The following HMGCS2 variants were observed in gnomAD, a reference collection of about 807,000 sequenced individuals.
HMGCS2 encodes the protein 3-hydroxy-3-methylglutaryl-CoA synthase 2, also known as hydroxymethylglutaryl-CoA synthase, mitochondrial.
In HMGCS2, 50 loss-of-function variants were observed where a neutral mutation model predicts 57.4. The ratio of observed to expected loss-of-function variants is 0.87; its 90% confidence interval spans 0.69 to 1.10. The LOEUF (loss-of-function observed/expected upper bound fraction) is 1.10. Among genes scored for constraint, HMGCS2 ranks in the 50% least tolerant of loss-of-function variants. HMGCS2 has a pLI of 0.00. For missense variants in HMGCS2, 627 were observed against 636.5 expected, an observed-to-expected ratio of 0.99 and a Z score of 0.16; for synonymous variants, 254 against 245.1, an observed-to-expected ratio of 1.04 and a Z score of -0.34.
intron 8 of HMGCS2, 60 bp downstream of exon 8, chr1:119,752,489 C>A (rs913501407): frequency 1.0e-5 from 16 of 1,586,818 alleles, no homozygotes; most frequent in South Asian, 2.2e-5. Context: ...CCAAAGAAAT[C>A]CCTGGCTCCC....
chr1:119,749,667 T>G (rs9943291), intron 9 of HMGCS2, among the ~76,000 whole-genome samples: 12,572 of 152,196 alleles, frequency 0.083, 710 homozygotes, highest in Admixed American at 0.19. Flanking sequence ...CGGTAAGGAA[T>G]GAACCCAGGG....
intron 2 of HMGCS2, among the ~76,000 whole-genome samples, chr1:119,762,511 C>T (rs1414462525): frequency 3.3e-5 from 5 of 152,014 alleles, no homozygotes; most frequent in African/African-American, 1.2e-4. Context: ...ATACTCTTCT[C>T]TTTCCTCATC....
intron 7 of HMGCS2, 86 bp downstream of exon 7, chr1:119,753,194 G>T: frequency 2.5e-6 from 2 of 808,120 alleles, no homozygotes; most frequent in East Asian, 2.5e-5. Flanking sequence ...CTGTCAAGAT[G>T]GCAGCCTCAG....
At chr1:119,756,426 G>T (rs1652839631) in intron 5 of HMGCS2, among the ~76,000 whole-genome samples, 1 of 151,898 alleles carries the variant, frequency 6.6e-6, no homozygotes, top group Admixed American at 6.6e-5. Context: ...GTTTCGATAG[G>T]GCTGGTCTTA....
rs182407677 is a variant in HMGCS2, at chr1:119,748,835, T to G, written c.*12A>C. The G allele has an allele frequency of 2.2e-3, 331 of 152,388 alleles. 2 individuals are homozygous for G. The highest frequency in any genetic ancestry group is 7.5e-3 in the African/African-American group (313 of 41,582). 9.4% of individuals were successfully genotyped at this position (152,388 alleles called of 1,614,324 possible). ...TTTCCCAGGAAGCTTTCCATGGATC[T>G]GCAGAACTTAAATAAACAAAAAGTC... On this transcript the variant is annotated 3_prime_UTR_variant, in exon 10 of 10. Transcript: ENST00000369406.
At chr1:119,757,131 G>T in intron 5 of HMGCS2, 142 bp downstream of exon 5, 2 of 1,352,748 alleles carry the variant, frequency 1.5e-6, no homozygotes, top group Non-Finnish European at 2.1e-6. Flanking sequence ...CCCCGTGGAA[G>T]GACCTGGGAT....
intron 1 of HMGCS2, among the ~76,000 whole-genome samples, 199 bp downstream of exon 1, chr1:119,768,542 G>A (rs112315124): frequency 2.6e-5 from 4 of 152,248 alleles, no homozygotes; most frequent in African/African-American, 9.6e-5. Context: ...AGAGGTTTGG[G>A]CTCTTCTCAC....
At chr1:119,761,679 C>T (rs587735360) in intron 2 of HMGCS2, among the ~76,000 whole-genome samples, 4 of 152,008 alleles carry the variant, frequency 2.6e-5, no homozygotes, top group South Asian at 2.1e-4. Context: ...ACAGAAGAAT[C>T]GCTTGAACCT....
rs1652875135 is a variant in HMGCS2, at chr1:119,757,384, G to A, written c.905C>T (p.Thr302Ile). Residue 302 changes from threonine (T) to isoleucine (I), a missense_variant, in exon 5 of 10, where the codon ACA (threonine) becomes ATA (isoleucine). By Grantham distance (89) the Thr-to-Ile change is moderately conservative (BLOSUM62 -1). Coordinates refer to ENST00000369406, the MANE Select transcript of HMGCS2 (RefSeq NM_005518.4). Reference protein sequence around the residue: ...LDDLQYMIFHTPFCKMVQKSL... With the variant: ...LDDLQYMIFHIPFCKMVQKSL... Reference sequence around the variant, plus strand: ...CTTCTGGACCATCTTGCAAAAGGGTGTATGAAAGATCATGTACTGTAAATC... The same window carrying A: ...CTTCTGGACCATCTTGCAAAAGGGTATATGAAAGATCATGTACTGTAAATC... The A allele has an allele frequency of 1.9e-6, 3 of 1,614,178 alleles. No individual in the cohort carries two copies. In the South Asian group the frequency reaches 3.3e-5, roughly 18 times the overall value.
Position 119,759,901 on chromosome 1 carries a change from C to G in HMGCS2, c.648G>C (p.Met216Ile). 3 of 1,614,200 alleles carry G rather than the reference C, an allele frequency of 1.9e-6. No homozygotes were observed. Among genetic ancestry groups the G allele is most frequent in the Non-Finnish European group, 2.5e-6 (3 of 1,180,012 alleles). ...RPTGGAGAVA[M>I]LIGPKAPLAL... is the part of the protein sequence containing the mutation. The stretch of plus-strand genomic sequence containing the variant: ...CCAGAGGGGCCTTGGGCCCAATCAG[C>G]ATAGCCACAGCTCCGGCCCCACCTG... The change falls in exon 3 of 10, where the codon ATG becomes ATC. Residue 216 changes from methionine (M) to isoleucine (I), a missense_variant. Physicochemically the swap from Met to Ile is conservative, Grantham distance 10. Transcript: ENST00000369406.
intron 6 of HMGCS2, 79 bp from the exon 7 acceptor site, chr1:119,753,465 T>C: frequency 2.6e-6 from 2 of 760,140 alleles, no homozygotes; most frequent in Admixed American, 4.1e-5. Context: ...ATATATATAT[T>C]ATATTCTGCA....
chr1:119,760,101 A>G, intron 2 of HMGCS2, 112 bp from the exon 3 acceptor site: 1 of 1,000,532 alleles, frequency 1.0e-6, no homozygotes, highest in Middle Eastern at 2.4e-4. Flanking sequence ...GATAAACAAA[A>G]TAAAAAATCC....
rs773945291 is a variant in HMGCS2, at chr1:119,759,178, G to A, written c.790C>T (p.Arg264Trp). The A allele has an allele frequency of 1.1e-4, 181 of 1,613,978 alleles. No homozygotes were observed. Among genetic ancestry groups the A allele is most frequent in the Non-Finnish European group, 1.5e-4 (173 of 1,180,028 alleles). Residue 264 changes from arginine (R) to tryptophan (W), a missense_variant, in exon 4 of 10, where the codon CGG (arginine) becomes TGG (tryptophan). Coordinates refer to ENST00000369406, the MANE Select transcript of HMGCS2 (RefSeq NM_005518.4). ...GATGTGTAACATCGATCCAAGGCCC[G>A]CAAGTAGCACTGGATGGAAAGCTTC... is the stretch of plus-strand genomic sequence containing the variant. ...DGKLSIQCYL[R>W]ALDRCYTSYR...
In HMGCS2 at chr1:119,759,264, A is replaced by G. The variant is rs773806829; in HGVS notation, c.704T>C (p.Met235Thr). The change falls in exon 4 of 10, where the codon ATG (methionine) becomes ACG (threonine). Residue 235 changes from methionine (M) to threonine (T), a missense_variant. Physicochemically the swap from Met to Thr is moderately conservative, Grantham distance 81. Coordinates refer to ENST00000369406, the MANE Select transcript of HMGCS2 (RefSeq NM_005518.4). The stretch of plus-strand genomic sequence containing the variant: ...TTTGTAGAAGTCATACACATTCTCC[A>G]TATGGGTTCCCCTCAGCCCTGGAAA... Reference protein sequence around the residue: ...ALERGLRGTHMENVYDFYKPN... With the variant: ...ALERGLRGTHTENVYDFYKPN... 23 of 1,613,866 alleles carry G rather than the reference A, an allele frequency of 1.4e-5. No homozygotes were observed. The highest frequency in any genetic ancestry group is 1.3e-4 in the East Asian group (6 of 44,890).
chr1:119,749,498 C>T (rs1013396794), intron 9 of HMGCS2, among the ~76,000 whole-genome samples: 3 of 151,694 alleles, frequency 2.0e-5, no homozygotes, highest in Non-Finnish European at 4.4e-5. Context: ...ACCGTATTTC[C>T]AACATGCACA....
intron 6 of HMGCS2, among the ~76,000 whole-genome samples, chr1:119,754,359 G>A: frequency 6.6e-6 from 1 of 151,850 alleles, no homozygotes; most frequent in East Asian, 1.9e-4. Flanking sequence ...GAACATCCAT[G>A]GCTAATTGTT....
At chr1:119,764,978 T>A (rs1213440581) in intron 1 of HMGCS2, among the ~76,000 whole-genome samples, 15 of 152,376 alleles carry the variant, frequency 9.8e-5, no homozygotes, top group African/African-American at 3.6e-4. Flanking sequence ...TCGGTATATA[T>A]ATTTTAGTCC....
At chr1:119,766,171 A>G (rs1260277475) in intron 1 of HMGCS2, among the ~76,000 whole-genome samples, 2 of 152,162 alleles carry the variant, frequency 1.3e-5, no homozygotes, top group Admixed American at 1.3e-4. Flanking sequence ...GAACTTGGTG[A>G]TCTCTGTACT....
intron 6 of HMGCS2, 149 bp downstream of exon 6, chr1:119,755,278 G>A: frequency 1.2e-6 from 1 of 829,852 alleles, no homozygotes; most frequent in South Asian, 1.5e-5. Flanking sequence ...CAAATGCTGA[G>A]ATTACAGGCA....
Sources: allele counts gnomAD v4.1 joint callset (sites outside exome capture counted in the v4.1 genomes callset), GRCh38; gene constraint gnomAD v4.1.1; transcripts MANE v1.5; gene names NCBI Gene and HGNC (gene_info 2026-07-23, HGNC 2026-07-21).